Variants in C22orf15 observed in about 807,000 individuals in gnomAD.
The protein encoded by C22orf15 is chromosome 22 open reading frame 15.
C22orf15 carries 21 observed loss-of-function variants against 20.3 expected under a neutral mutation model. The ratio of observed to expected loss-of-function variants is 1.04; its 90% CI spans 0.74 to 1.49. The LOEUF (loss-of-function observed/expected upper bound fraction) is 1.49, where lower values mean the gene tolerates loss of function less well. C22orf15 is among the 40% of genes most tolerant of loss of function. C22orf15 has a pLI of 0.00. For missense variants in C22orf15, 170 were observed against 191.1 expected (o/e 0.89, Z 0.65); for synonymous variants, 78 against 75.4 (o/e 1.03, Z -0.18).
rs868349679 is a variant in C22orf15 at position 23,764,368 on chromosome 22, G to A, written c.221G>A (p.Arg74Gln). The stretch of plus-strand genomic sequence containing the variant: ...ATGGGCAACTCCCTACTGAAGGAGC[G>A]AGCCATATATGTCCTCGTTCGGATC... ...QTMGNSLLKE[R>Q]AIYVLVRIIK... Residue 74 changes from arginine (R) to glutamine (Q), a missense_variant, in exon 3 of 6, where the codon CGA becomes CAA. Arg to Gln is a conservative substitution (Grantham distance 43). Transcript: ENST00000402217. 10 of 1,552,724 alleles carry A rather than the reference G, an allele frequency of 6.4e-6. No homozygotes were observed. Among genetic ancestry groups the A allele is most frequent in the South Asian group, 2.4e-5 (2 of 84,288 alleles).
chr22:23,765,285 G>A, intron 5 of C22orf15: 1 of 1,521,766 alleles, frequency 6.6e-7, no homozygotes, highest in South Asian at 1.2e-5. Context: ...TTCCATTCTG[G>A]CAGGCTTGGG....
chr22:23,764,814 G>A lies in C22orf15; in HGVS notation c.347G>A (p.Gly116Asp). Residue 116 changes from glycine to aspartate, a missense_variant, in exon 5 of 6, where the codon GGC becomes GAC. Physicochemically the swap from Gly to Asp is moderately conservative, Grantham distance 94. Transcript: ENST00000402217. ...CCAGAGGAACTGCGCAGGCTGTCAG[G>A]CCTCTCCTCTGTGGGCCACAACTGG... Reference protein sequence around the residue: ...ELAEELRRLSGLSSVGHNWRK... With the variant: ...ELAEELRRLSDLSSVGHNWRK... 1 of 1,614,006 alleles carries A rather than the reference G, an allele frequency of 6.2e-7. No individual in the cohort carries two copies. Among genetic ancestry groups the A allele is most frequent in the Non-Finnish European group, 8.5e-7 (1 of 1,180,002 alleles).
chr22:23,764,627 C>T lies in C22orf15; in HGVS notation c.251-12C>T. ...AGTCAGGTGTCCTTCATCGTCTCTC[C>T]ACATGTCACAGAGGGAGAGGACATG... On this transcript the variant is annotated splice_polypyrimidine_tract_variant and intron_variant, in intron 3 of 5. Transcript: ENST00000402217. The T allele has an allele frequency of 6.2e-7, 1 of 1,614,010 alleles. No individual in the cohort carries two copies. Among genetic ancestry groups the T allele is most frequent in the Non-Finnish European group, 8.5e-7 (1 of 1,179,856 alleles).
At chr22:23,763,760 G>T (rs1003024804) in intron 1 of C22orf15, among the ~76,000 whole-genome samples, 2 of 152,340 alleles carry the variant, frequency 1.3e-5, no homozygotes, top group Admixed American at 6.5e-5. Flanking sequence ...CGGTGGGTGC[G>T]GAGGGCGGGG....
rs941887390 is a variant in C22orf15, at chr22:23,763,359, C to T, written c.25+28C>T. The T allele has an allele frequency of 9.7e-6, 15 of 1,540,372 alleles. No homozygotes were observed. The Admixed American group carries it at 1.8e-4, about 19-fold the overall frequency. Reference sequence around the variant, plus strand: ...AAGTGGGGTCCCCTGTCTTGGTAGGCGGATAGGGGGATGAGCACACTCAGA... The same window carrying T: ...AAGTGGGGTCCCCTGTCTTGGTAGGTGGATAGGGGGATGAGCACACTCAGA... On this transcript the variant is annotated intron_variant, in intron 1 of 5. Coordinates refer to ENST00000402217, the MANE Select transcript of C22orf15 (RefSeq NM_182520.3).
intron 3 of C22orf15, 118 bp from the exon 4 acceptor site, chr22:23,764,521 C>A: frequency 6.4e-7 from 1 of 1,551,906 alleles, no homozygotes. Flanking sequence ...TAGCCCCAAT[C>A]CATCCCTACC....
At chr22:23,764,771 C>G in intron 4 of C22orf15, 22 bp from the exon 5 acceptor site, 1 of 1,614,140 alleles carries the variant, frequency 6.2e-7, no homozygotes, top group African/African-American at 1.3e-5. Context: ...CCCCTACCAA[C>G]AGGACTTCCT....
chr22:23,764,337 C>A lies in C22orf15; in HGVS notation c.190C>A (p.Gln64Lys), dbSNP rs780674358. The A allele has an allele frequency of 6.4e-7, 1 of 1,551,646 alleles. No individual in the cohort carries two copies. The highest frequency in any genetic ancestry group is 1.2e-5 in the South Asian group (1 of 84,094). The stretch of plus-strand genomic sequence containing the variant: ...CCTGAAGGAAGGGGCTTCCCGGGCC[C>A]AGACCATGGGCAACTCCCTACTGAA... ...EDLKEGASRA[Q>K]TMGNSLLKER... is the part of the protein sequence containing the mutation. Residue 64 changes from glutamine to lysine, a missense_variant, in exon 3 of 6, where the codon CAG becomes AAG. Physicochemically the swap from Gln to Lys is moderately conservative, Grantham distance 53. Transcript: ENST00000402217.
At chr22:23,763,626 A>G (rs933146527) in intron 1 of C22orf15, among the ~76,000 whole-genome samples, 1 of 152,206 alleles carries the variant, frequency 6.6e-6, no homozygotes, top group Admixed American at 6.5e-5. Flanking sequence ...TCGCCATTCA[A>G]TCCGTGATCC....
intron 5 of C22orf15, 132 bp from the exon 6 acceptor site, chr22:23,765,589 A>G: frequency 1.3e-6 from 2 of 1,518,118 alleles, no homozygotes; most frequent in Middle Eastern, 2.0e-4. Context: ...TCATCCTGGG[A>G]TTCCACCCTC....
rs1224593738 is a variant in C22orf15 at position 23,765,801 on chromosome 22, A to G, written c.*69A>G. The G allele has an allele frequency of 8.4e-6, 13 of 1,541,144 alleles. No individual in the cohort carries two copies. The highest frequency in any genetic ancestry group is 1.1e-5 in the Non-Finnish European group (13 of 1,139,992). On this transcript the variant is annotated 3_prime_UTR_variant, in exon 6 of 6. Transcript: ENST00000402217. ...ACCTCATCAGCCAGGGAGCTCCCTG[A>G]AGACAGGCCATCGAGAGAGGCACAC...
At chr22:23,763,972 G>C in intron 1 of C22orf15, 115 bp from the exon 2 acceptor site, 1 of 993,482 alleles carries the variant, frequency 1.0e-6, no homozygotes, top group Non-Finnish European at 1.5e-6. Flanking sequence ...CACAGTCTTA[G>C]CCCATAGGCC....
rs1156675344 is a variant in C22orf15 at position 23,765,743 on chromosome 22, T to G, written c.*11T>G. 24 of 1,550,818 alleles carry G rather than the reference T, an allele frequency of 1.5e-5. No homozygotes were observed. The highest frequency in any genetic ancestry group is 2.1e-5 in the Non-Finnish European group (24 of 1,146,654). On this transcript the variant is annotated 3_prime_UTR_variant, in exon 6 of 6. Coordinates refer to ENST00000402217, the MANE Select transcript of C22orf15 (RefSeq NM_182520.3). ...CAGGGCCCTGATTAAGGGGATGGATTGCACACTGTAGTGAGACATCCATCC... is the reference window on the plus strand; with the variant it reads ...CAGGGCCCTGATTAAGGGGATGGATGGCACACTGTAGTGAGACATCCATCC...
In C22orf15 at chr22:23,765,781, A is replaced by C. The variant is rs1298303240; in HGVS notation, c.*49A>C. The C allele has an allele frequency of 6.5e-7, 1 of 1,547,354 alleles. No homozygotes were observed. Among genetic ancestry groups the C allele is most frequent in the Non-Finnish European group, 8.7e-7 (1 of 1,144,420 alleles). ...GAGACATCCATCCTGACCCCACCTC[A>C]TCAGCCAGGGAGCTCCCTGAAGACA... On this transcript the variant is annotated 3_prime_UTR_variant, in exon 6 of 6. Coordinates refer to ENST00000402217, the MANE Select transcript of C22orf15 (RefSeq NM_182520.3).
intron 5 of C22orf15, chr22:23,765,372 A>T: frequency 6.4e-7 from 1 of 1,550,980 alleles, no homozygotes; most frequent in Non-Finnish European, 8.7e-7. Flanking sequence ...GCCTTGTGTG[A>T]TCAGGTGCAA....
chr22:23,765,440 A>T (rs896254810), intron 5 of C22orf15: 1 of 1,551,022 alleles, frequency 6.4e-7, no homozygotes, highest in Non-Finnish European at 8.7e-7. Flanking sequence ...GAGAAGTTGC[A>T]TCAGCAAGAG....
intron 1 of C22orf15, 126 bp from the exon 2 acceptor site, chr22:23,763,961 G>T: frequency 9.3e-6 from 8 of 857,518 alleles, no homozygotes; most frequent in Non-Finnish European, 1.5e-5. Context: ...TATGCCCGGG[G>T]CACAGTCTTA....
In C22orf15 at chr22:23,765,821, G is replaced by A; in HGVS notation, c.*89G>A. The A allele has an allele frequency of 4.6e-6, 7 of 1,529,182 alleles. No homozygotes were observed. The highest frequency in any genetic ancestry group is 4.4e-6 in the Non-Finnish European group (5 of 1,129,080). 94.7% of individuals were successfully genotyped at this position (1,529,182 alleles called of 1,614,324 possible). On this transcript the variant is annotated 3_prime_UTR_variant, in exon 6 of 6. Coordinates refer to ENST00000402217, the MANE Select transcript of C22orf15 (RefSeq NM_182520.3). ...CCCTGAAGACAGGCCATCGAGAGAG[G>A]CACACAACAGGCTGTGGTCTAAAAT...
At chr22:23,765,542 G>A (rs1601351827) in intron 5 of C22orf15, 179 bp from the exon 6 acceptor site, 1 of 1,543,650 alleles carries the variant, frequency 6.5e-7, no homozygotes, top group East Asian at 2.5e-5. Flanking sequence ...GAAGGGTAGA[G>A]GTGGCAGGTA....
Sources: gnomAD v4.1 joint callset for allele counts (sites outside exome capture counted in the v4.1 genomes callset) on GRCh38, gnomAD v4.1.1 for gene constraint, MANE v1.5 for transcripts, NCBI Gene and HGNC (gene_info 2026-07-23, HGNC 2026-07-21) for gene names.